Variants in ARHGEF18 observed in about 807,000 individuals in gnomAD.
ARHGEF18 encodes the protein rho guanine nucleotide exchange factor 18.
A neutral mutation model predicts 155.7 loss-of-function variants in ARHGEF18; 93 were observed. The observed-to-expected ratio is 0.60, with a 90% CI of 0.50 to 0.71. The LOEUF (loss-of-function observed/expected upper bound fraction) is 0.71, where lower values mean the gene tolerates loss of function less well. Ranked by LOEUF, ARHGEF18 falls within the 30% of genes least tolerant of loss-of-function variation. The probability of loss-of-function intolerance (pLI) is 0.00; values close to 1 mark genes in which losing one functional copy is unlikely to be tolerated. For synonymous variants in ARHGEF18, 742 were observed against 753.1 expected (o/e 0.99, Z 0.24); for missense variants, 1,593 against 1,816.1 (o/e 0.88, Z 2.23).
At chr19:7,394,520 AC>A (rs1205831659) in intron 10 of ARHGEF18, among the ~76,000 whole-genome samples, 4 of 150,514 alleles carry the variant, frequency 2.7e-5, no homozygotes, top group Non-Finnish European at 5.9e-5. Context: ...CTTCCAAAAC[AC>A]CCCCAGCTCC....
intron 20 of ARHGEF18, 72 bp downstream of exon 20, chr19:7,460,066 A>T: frequency 6.9e-7 from 1 of 1,446,344 alleles, no homozygotes; most frequent in Non-Finnish European, 9.4e-7. Flanking sequence ...GACTGGCCAC[A>T]GAGGGTGAAC....
At chr19:7,432,721 G>T (rs982234798) in intron 10 of ARHGEF18, among the ~76,000 whole-genome samples, 1 of 152,142 alleles carries the variant, frequency 6.6e-6, no homozygotes, top group African/African-American at 2.4e-5. Flanking sequence ...AGATGTTTGG[G>T]GTCCCTTTAC....
chr19:7,436,529 C>T (rs1156774847), intron 10 of ARHGEF18, among the ~76,000 whole-genome samples: 2 of 152,124 alleles, frequency 1.3e-5, no homozygotes. Context: ...CCACCCCGCT[C>T]GGCCTCCCAA....
downstream of ARHGEF18, among the ~76,000 whole-genome samples, chr19:7,476,613 G>T (rs980629104): frequency 5.3e-5 from 8 of 152,362 alleles, no homozygotes; most frequent in Admixed American, 4.6e-4. Flanking sequence ...GTGGCATGAG[G>T]CCACGCCCTC....
Position 7,352,832 on chromosome 19 carries a change from C to CTTTTTTTTTTTTTT in ARHGEF18, c.-111+3600_-111+3613dup, listed in dbSNP as rs587602037. Among the ~76,000 whole-genome samples the CTTTTTTTTTTTTTT allele has an allele frequency of 4.0e-5, 2 of 49,876 alleles. 1 individual carries two copies. The highest frequency in any genetic ancestry group is 1.5e-4 in the African/African-American group (2 of 12,912). The allele number at this position is 49,876 out of a possible 152,430, so 32.7% of individuals were successfully genotyped here. A position where few individuals can be genotyped will look rare whatever the true frequency, so the allele number is the denominator to read the frequency against. On this transcript the variant is annotated intron_variant, in intron 1 of 28. Coordinates refer to ENST00000668164, the MANE Select transcript of ARHGEF18 (RefSeq NM_001367823.1). ...ACAGGTGTGAGTCGCCGTGCCTGGC[C>CTTTTTTTTTTTTTT]TTTTTTTTTTTTTTTTTTTTTTGAC...
chr19:7,394,346 C>T (rs1184729292), intron 10 of ARHGEF18, among the ~76,000 whole-genome samples: 1 of 152,034 alleles, frequency 6.6e-6, no homozygotes. Context: ...CCCCACCACT[C>T]CCTGATGCTG....
chr19:7,431,132 C>T (rs151268715), intron 10 of ARHGEF18, among the ~76,000 whole-genome samples: 31 of 151,874 alleles, frequency 2.0e-4, no homozygotes, highest in Admixed American at 7.9e-4. Context: ...ATAGCCAGGG[C>T]GACAGAGTGA....
rs569469058 is a variant in ARHGEF18 at position 7,462,063 on chromosome 19, G to T, written c.2453-89G>T. 2.0e-6 allele frequency: 3 copies of T among 1,532,936 alleles called. No individual in the cohort carries two copies. Among genetic ancestry groups the T allele is most frequent in the South Asian group, 2.3e-5 (2 of 87,332 alleles). 95.0% of individuals were successfully genotyped at this position (1,532,936 alleles called of 1,614,324 possible). On this transcript the variant is annotated intron_variant, in intron 20 of 28. Transcript: ENST00000668164. This position sits in a 1 kb window ranked among gnomAD's most constrained non-coding sequence, Gnocchi z 4.4. ...CCTACCTCAGGGCAGGGCCAGCGGG[G>T]TTCCTCATCCTTAGGCCAGTCCCCG...
intron 10 of ARHGEF18, among the ~76,000 whole-genome samples, chr19:7,429,893 T>C (rs1385417815): frequency 6.6e-6 from 1 of 152,070 alleles, no homozygotes; most frequent in African/African-American, 2.4e-5. Context: ...GCAAAATCTC[T>C]GCTGTGTTTA....
At chr19:7,424,667 A>C (rs1384347024) in intron 10 of ARHGEF18, among the ~76,000 whole-genome samples, 2 of 152,184 alleles carry the variant, frequency 1.3e-5, no homozygotes, top group African/African-American at 4.8e-5. Flanking sequence ...ATTTAATTTT[A>C]AATTTTAGTT....
chr19:7,441,958 C>A lies in ARHGEF18; in HGVS notation c.1266C>A (p.His422Gln). 1 of 1,614,108 alleles carries A rather than the reference C, an allele frequency of 6.2e-7. No homozygotes were observed. The change falls in exon 13 of 29, where the codon CAC becomes CAA. Residue 422 changes from histidine to glutamine, a missense_variant. Coordinates refer to ENST00000668164, the MANE Select transcript of ARHGEF18 (RefSeq NM_001367823.1). ...GGAGTGAGATTGAGTCAGACGGCCA[C>A]GAGTTTGAAGCTGAGTCCTGGAGCC... ...SLRSEIESDG[H>Q]EFEAESWSLA...
intron 23 of ARHGEF18, among the ~76,000 whole-genome samples, chr19:7,466,592 C>G (rs2145906145): frequency 6.6e-6 from 1 of 150,656 alleles, no homozygotes; most frequent in East Asian, 2.0e-4. Flanking sequence ...CACCTGAGGT[C>G]AGGAGTTTGC....
At position 7,434,039 on chromosome 19, in the gene ARHGEF18, A is replaced by AG. The variant is rs1258958067; in HGVS notation, c.968-6305_968-6304insG. Among the ~76,000 whole-genome samples, 81 of 59,564 alleles carry AG rather than the reference A, an allele frequency of 1.4e-3. 1 individual carries two copies. Among genetic ancestry groups the AG allele is most frequent in the African/African-American group, 6.0e-3 (79 of 13,244 alleles). 39.1% of individuals were successfully genotyped at this position (59,564 alleles called of 152,430 possible). A position where few individuals can be genotyped will look rare whatever the true frequency, so the allele number is the denominator to read the frequency against. ...TCTCATTAAAAAAAAAAAAAAAAAG[A>AG]AAAAAAAAGTATGGAGTCTTTTGTC... is the stretch of plus-strand genomic sequence containing the variant. On this transcript the variant is annotated intron_variant, in intron 10 of 28. Coordinates refer to ENST00000668164, the MANE Select transcript of ARHGEF18 (RefSeq NM_001367823.1).
At position 7,459,969 on chromosome 19, in the gene ARHGEF18, C is replaced by T. The variant is rs2287915; in HGVS notation, c.2427C>T (p.Arg809=). 0.23 allele frequency: 358,614 copies of T among 1,582,256 alleles called. 41,584 individuals carry two copies. The highest frequency in any genetic ancestry group is 0.3 in the East Asian group (12,933 of 43,266). ...PEEERKVVEA[R]ATRLRDFQER... Reference sequence around the variant, plus strand: ...AGGAAAGGAAGGTGGTCGAGGCCCGCGCCACGAGACTCCGGGACTTTCAAG... The same window carrying T: ...AGGAAAGGAAGGTGGTCGAGGCCCGTGCCACGAGACTCCGGGACTTTCAAG... Residue 809 remains arginine (R), a synonymous_variant, in exon 20 of 29, where the codon CGC becomes CGT. Transcript: ENST00000668164.
intron 10 of ARHGEF18, among the ~76,000 whole-genome samples, chr19:7,385,498 C>T (rs923327432): frequency 2.8e-5 from 4 of 141,234 alleles, no homozygotes; most frequent in African/African-American, 5.2e-5. Flanking sequence ...TATTTTGAGA[C>T]GGAGTCCCAC....
chr19:7,355,681 G>A (rs1969271632), intron 1 of ARHGEF18: 3 of 985,360 alleles, frequency 3.0e-6, no homozygotes, highest in Non-Finnish European at 2.4e-6. Context: ...AGCTGTGGCT[G>A]AAGCGGTGGG....
Position 7,463,969 on chromosome 19 carries a change from C to T in ARHGEF18, c.2773+14C>T, listed in dbSNP as rs762695332. 5 of 1,565,868 alleles carry T rather than the reference C, an allele frequency of 3.2e-6. No homozygotes were observed. The highest frequency in any genetic ancestry group is 3.5e-6 in the Non-Finnish European group (4 of 1,155,004). ...GCCCCACCAAGAGTAAGAGCGGGGC[C>T]GTCTCCCCTCCTGCCTCCAGGGCCG... On this transcript the variant is annotated intron_variant, in intron 22 of 28. Transcript: ENST00000668164. This position sits in a 1 kb window ranked among gnomAD's most constrained non-coding sequence, Gnocchi z 5.2.
At chr19:7,364,712 C>T (rs1969810024) in intron 2 of ARHGEF18, among the ~76,000 whole-genome samples, 1 of 152,100 alleles carries the variant, frequency 6.6e-6, no homozygotes, top group African/African-American at 2.4e-5. Context: ...GTGACAGCCT[C>T]CAGGCTGCTT....
chr19:7,357,144 T>C (rs1214309846), intron 1 of ARHGEF18, among the ~76,000 whole-genome samples: 1 of 152,202 alleles, frequency 6.6e-6, no homozygotes, highest in Non-Finnish European at 1.5e-5. Context: ...GGAACCGGGA[T>C]TTGAAGCCGA....
Sources: allele counts gnomAD v4.1 joint callset (sites outside exome capture counted in the v4.1 genomes callset), GRCh38; gene constraint gnomAD v4.1.1; non-coding constraint Gnocchi (gnomAD v3.1); transcripts MANE v1.5; gene names NCBI Gene and HGNC (gene_info 2026-07-23, HGNC 2026-07-21).